COPG2: variants seen among roughly 807,000 people sequenced by gnomAD.
The protein encoded by COPG2 is coatomer subunit gamma-2.
A neutral mutation model predicts 46.3 loss-of-function variants in COPG2; 37 were observed. The observed-to-expected ratio is 0.80, with a 90% CI of 0.61 to 1.05. The LOEUF (loss-of-function observed/expected upper bound fraction) is 1.05, where lower values mean the gene tolerates loss of function less well. Among genes scored for constraint, COPG2 ranks in the 50% least tolerant of loss-of-function variants. COPG2 has a pLI of 0.00. For missense variants in COPG2, 427 were observed against 387.8 expected, an observed-to-expected ratio of 1.10 and a Z score of -0.85; for synonymous variants, 159 against 129.7, an observed-to-expected ratio of 1.23 and a Z score of -1.53.
chr7:130,626,208 T>C (rs1795116506), intron 5 of COPG2, among the ~76,000 whole-genome samples: 1 of 152,194 alleles, frequency 6.6e-6, no homozygotes, highest in African/African-American at 2.4e-5. Flanking sequence ...TTCTGATATG[T>C]AGTTATGTAG....
chr7:130,519,696 A>G (rs1379624670), intron 20 of COPG2, among the ~76,000 whole-genome samples: 5 of 152,360 alleles, frequency 3.3e-5, no homozygotes, highest in African/African-American at 9.6e-5. Context: ...CTGTTGCTCT[A>G]TACTTAAGCC....
At chr7:130,591,483 GCC>G in intron 9 of COPG2, among the ~76,000 whole-genome samples, 1 of 78,328 alleles carries the variant, frequency 1.3e-5, no homozygotes, top group Non-Finnish European at 2.6e-5. Flanking sequence ...GGGGGGGTCA[GCC>G]CCCCCGCCCG....
chr7:130,548,371 A>G, intron 19 of COPG2, 32 bp downstream of exon 19: 1 of 398,538 alleles, frequency 2.5e-6, no homozygotes, highest in Non-Finnish European at 4.4e-6. Flanking sequence ...GTTTATACTA[A>G]ATCTCTACAG....
At chr7:130,600,731 G>A (rs1258774734) in intron 9 of COPG2, among the ~76,000 whole-genome samples, 1 of 151,966 alleles carries the variant, frequency 6.6e-6, no homozygotes, top group Non-Finnish European at 1.5e-5. Context: ...AGGCATAAAG[G>A]TCTCTTGTTT....
At chr7:130,516,742 A>G (rs1293448239) in intron 20 of COPG2, among the ~76,000 whole-genome samples, 1 of 152,200 alleles carries the variant, frequency 6.6e-6, no homozygotes, top group Non-Finnish European at 1.5e-5. Flanking sequence ...GTAAGGTAAG[A>G]AGGTGGCAAA....
At chr7:130,512,557 A>G (rs913381516) in intron 20 of COPG2, among the ~76,000 whole-genome samples, 4 of 152,100 alleles carry the variant, frequency 2.6e-5, no homozygotes, top group Admixed American at 2.6e-4. Context: ...AGGCTGGCAG[A>G]TCACTTGAGG....
rs1554448833 is a variant in COPG2 at position 130,591,253 on chromosome 7, G to A, written c.737+19700C>T. Among the ~76,000 whole-genome samples, 719 of 124,414 alleles carry A rather than the reference G, an allele frequency of 5.8e-3. 17 individuals are homozygous for A. Among genetic ancestry groups the A allele is most frequent in the African/African-American group, 0.02 (622 of 31,584 alleles). 81.6% of individuals were successfully genotyped at this position (124,414 alleles called of 152,430 possible). A position where few individuals can be genotyped will look rare whatever the true frequency, so the allele number is the denominator to read the frequency against. ...ACCCCTCTGCCTGGCCAGCCGCTCC[G>A]TCCGGGAGGGAGGTGGGGGCGTCAG... is the stretch of plus-strand genomic sequence containing the variant. On this transcript the variant is annotated intron_variant, in intron 9 of 23. Transcript: ENST00000425248.
At chr7:130,616,602 G>GA (rs1416351305) in intron 6 of COPG2, among the ~76,000 whole-genome samples, 11 of 151,882 alleles carry the variant, frequency 7.2e-5, no homozygotes, top group Non-Finnish European at 5.9e-5. Flanking sequence ...AAAAGAAAAA[G>GA]AAAAAAAATC....
At chr7:130,559,182 C>T (rs1392673371) in intron 12 of COPG2, among the ~76,000 whole-genome samples, 3 of 152,018 alleles carry the variant, frequency 2.0e-5, no homozygotes, top group African/African-American at 7.2e-5. Context: ...CCTGAATATA[C>T]AAAAAAATTA....
At chr7:130,507,177 G>GGAT (rs2116321367) in intron 23 of COPG2, 97 bp downstream of exon 23, 1 of 732,048 alleles carries the variant, frequency 1.4e-6, no homozygotes, top group East Asian at 2.5e-5. Flanking sequence ...TCATATAATG[G>GGAT]GATGATGGGA....
At chr7:130,580,079 G>A (rs1794102582) in intron 9 of COPG2, among the ~76,000 whole-genome samples, 1 of 151,164 alleles carries the variant, frequency 6.6e-6, no homozygotes, top group Non-Finnish European at 1.5e-5. Context: ...TTCCAAAATT[G>A]ACCACATACT....
At chr7:130,576,779 T>C (rs1457096761) in intron 9 of COPG2, among the ~76,000 whole-genome samples, 1 of 151,584 alleles carries the variant, frequency 6.6e-6, no homozygotes, top group Non-Finnish European at 1.5e-5. Context: ...CTAAATGAAA[T>C]TGAAACAAAC....
rs1794912548 is a variant in COPG2 at position 130,614,481 on chromosome 7, T to C, written c.400-845A>G. On this transcript the variant is annotated intron_variant, in intron 6 of 23. Coordinates refer to ENST00000425248, the MANE Select transcript of COPG2 (RefSeq NM_012133.6). ...ATATACCCAAGCATGGGTATATAGC[T>C]ATTATTCAATTTGCTTGGTAATGCC... 2.0e-5 allele frequency among the ~76,000 whole-genome samples: 3 copies of C among 152,334 alleles called. No individual in the cohort carries two copies. In the South Asian group the frequency reaches 6.2e-4, roughly 32 times the overall value.
At chr7:130,615,744 C>T (rs1385867484) in intron 6 of COPG2, among the ~76,000 whole-genome samples, 3 of 152,142 alleles carry the variant, frequency 2.0e-5, no homozygotes, top group Non-Finnish European at 4.4e-5. Flanking sequence ...TTTCACAATA[C>T]TGTTTGGTGG....
At chr7:130,540,189 TTTC>T (rs1175201737) in intron 20 of COPG2, among the ~76,000 whole-genome samples, 1 of 152,028 alleles carries the variant, frequency 6.6e-6, no homozygotes, top group Non-Finnish European at 1.5e-5. Flanking sequence ...TGGAGGAAAC[TTTC>T]TTATTTAACT....
intron 9 of COPG2, among the ~76,000 whole-genome samples, chr7:130,582,718 A>T (rs1212425165): frequency 1.5e-5 from 2 of 129,568 alleles, no homozygotes; most frequent in Middle Eastern, 6.8e-3. Flanking sequence ...AAAAGAAGAC[A>T]TTTATGCAGC....
chr7:130,541,024 G>A (rs1799930328), intron 20 of COPG2, among the ~76,000 whole-genome samples: 1 of 152,224 alleles, frequency 6.6e-6, no homozygotes, highest in Non-Finnish European at 1.5e-5. Context: ...AGAATCACTG[G>A]TGGATGCGGG....
chr7:130,577,293 G>A (rs1209479034), intron 9 of COPG2, among the ~76,000 whole-genome samples: 2 of 152,214 alleles, frequency 1.3e-5, no homozygotes, highest in African/African-American at 4.8e-5. Context: ...CAGACAGTGG[G>A]CGCAGGTCAG....
intron 9 of COPG2, among the ~76,000 whole-genome samples, chr7:130,609,674 T>C (rs1554451754): frequency 6.6e-6 from 1 of 152,186 alleles, no homozygotes; most frequent in African/African-American, 2.4e-5. Flanking sequence ...CTTCAGATGT[T>C]CTATTCTTTT....
Sources: allele counts gnomAD v4.1 joint callset (sites outside exome capture counted in the v4.1 genomes callset), GRCh38; gene constraint gnomAD v4.1.1; transcripts MANE v1.5; gene names NCBI Gene and HGNC (gene_info 2026-07-23, HGNC 2026-07-21).